Variants in GOLGA3 observed in about 807,000 individuals in gnomAD.
GOLGA3 encodes golgin A3.
In GOLGA3, 75 loss-of-function variants were observed where a neutral mutation model predicts 169.4. The observed-to-expected ratio is 0.44, with a 90% CI of 0.37 to 0.54. GOLGA3 has a LOEUF of 0.54. Ranked by LOEUF, GOLGA3 falls within the 20% of genes least tolerant of loss-of-function variation. The pLI is 0.00. For synonymous variants in GOLGA3, 824 were observed against 822.4 expected, an observed-to-expected ratio of 1.00 and a Z score of -0.03; for missense variants, 1,899 against 1,930.0, an observed-to-expected ratio of 0.98 and a Z score of 0.30.
At chr12:132,816,862 C>A in intron 2 of GOLGA3, 50 bp from the exon 3 acceptor site, 1 of 1,501,864 alleles carries the variant, frequency 6.7e-7, no homozygotes, top group East Asian at 2.3e-5. Context: ...AACAAGGTGA[C>A]GTCGCTTTTC....
intron 18 of GOLGA3, among the ~76,000 whole-genome samples, chr12:132,778,301 G>A (rs1039197029): frequency 5.3e-5 from 8 of 149,936 alleles, no homozygotes; most frequent in African/African-American, 7.4e-5. Context: ...TAGGCCAGGC[G>A]TGGCGGCTCA....
At chr12:132,783,764 G>A in intron 16 of GOLGA3, 1 of 452,582 alleles carries the variant, frequency 2.2e-6, no homozygotes. Context: ...TTTTAGTAGA[G>A]ATGGGGTTTC....
chr12:132,777,540 T>C lies in GOLGA3; in HGVS notation c.3722+126A>G, dbSNP rs1352906336. 2.0e-6 allele frequency: 2 copies of C among 1,023,284 alleles called. No individual in the cohort carries two copies. Among genetic ancestry groups the C allele is most frequent in the East Asian group, 2.4e-5 (1 of 41,194 alleles). 63.4% of individuals were successfully genotyped at this position (1,023,284 alleles called of 1,614,324 possible). On this transcript the variant is annotated intron_variant, in intron 19 of 23. Coordinates refer to ENST00000450791, the MANE Select transcript of GOLGA3 (RefSeq NM_001389683.1). This position sits in a 1 kb window ranked among gnomAD's most constrained non-coding sequence, Gnocchi z 4.7. ...GGAGGCTGGGTGCCTTCTACTCCTATGATTCACTCAAGTACTCGGCAATTT... is the reference window on the plus strand; with the variant it reads ...GGAGGCTGGGTGCCTTCTACTCCTACGATTCACTCAAGTACTCGGCAATTT...
intron 16 of GOLGA3, among the ~76,000 whole-genome samples, chr12:132,783,634 A>G (rs901551565): frequency 2.6e-5 from 4 of 151,190 alleles, no homozygotes; most frequent in Admixed American, 2.0e-4. Context: ...CCTGGAGTGC[A>G]GTGGCGCGAT....
At chr12:132,795,681 A>C (rs1238847754) in intron 11 of GOLGA3, among the ~76,000 whole-genome samples, 171 bp downstream of exon 11, 1 of 152,180 alleles carries the variant, frequency 6.6e-6, no homozygotes, top group East Asian at 1.9e-4. Flanking sequence ...GAATTGCCTG[A>C]ACCTGGGAGG....
At chr12:132,813,240 G>C in intron 4 of GOLGA3, 67 bp downstream of exon 4, 1 of 1,063,026 alleles carries the variant, frequency 9.4e-7, no homozygotes, top group East Asian at 2.4e-5. Context: ...CCCGGGTTAT[G>C]TGGGACCAAC....
chr12:132,809,451 G>A lies in GOLGA3; in HGVS notation c.520-902C>T, dbSNP rs1006683641. On this transcript the variant is annotated intron_variant, in intron 4 of 23. Transcript: ENST00000450791. The stretch of plus-strand genomic sequence containing the variant: ...CCCCACCCCCGCCCCCCCGCCCCCC[G>A]GTTCCCGGTCTGCTAAGTAGTGGGT... Among the ~76,000 whole-genome samples, 74 of 9,776 alleles carry A rather than the reference G, an allele frequency of 7.6e-3. 1 individual carries two copies. Among genetic ancestry groups the A allele is most frequent in the African/African-American group, 0.021 (68 of 3,212 alleles). The allele number at this position is 9,776 out of a possible 152,430, so 6.4% of individuals were successfully genotyped here.
chr12:132,781,889 C>G (rs1230593774), intron 17 of GOLGA3, among the ~76,000 whole-genome samples: 2 of 152,182 alleles, frequency 1.3e-5, no homozygotes, highest in Non-Finnish European at 1.5e-5. Context: ...TCAGCCACAC[C>G]CACATGGAAG....
At chr12:132,779,368 C>T (rs563151144) in intron 18 of GOLGA3, among the ~76,000 whole-genome samples, 38 of 152,288 alleles carry the variant, frequency 2.5e-4, no homozygotes, top group East Asian at 1.2e-3. Flanking sequence ...CATGAGCCAC[C>T]GCGCCCAGCC....
intron 13 of GOLGA3, among the ~76,000 whole-genome samples, chr12:132,788,190 T>C (rs932733291): frequency 6.6e-6 from 1 of 152,108 alleles, no homozygotes; most frequent in African/African-American, 2.4e-5. Flanking sequence ...CCAACAATGA[T>C]GGTGCCGGCC....
In GOLGA3 at chr12:132,821,874, A is replaced by G. The variant is rs1488876564; in HGVS notation, c.133+122T>C. 1.2e-5 allele frequency: 7 copies of G among 585,208 alleles called. No individual in the cohort carries two copies. In the African/African-American group the frequency reaches 1.3e-4, roughly 11 times the overall value. The allele number at this position is 585,208 out of a possible 1,614,324, so 36.3% of individuals were successfully genotyped here. A position where few individuals can be genotyped will look rare whatever the true frequency, so the allele number is the denominator to read the frequency against. ...GTCTCAAAAAAAAAAAAAAAAAAAA[A>G]CAACTTTGAATTAAGTGAAAAGCTC... On this transcript the variant is annotated intron_variant, in intron 2 of 23. Transcript: ENST00000450791.
intron 8 of GOLGA3, 109 bp from the exon 9 acceptor site, chr12:132,798,586 T>C: frequency 1.2e-6 from 1 of 858,746 alleles, no homozygotes; most frequent in South Asian, 1.6e-5. Flanking sequence ...GCCCCCTCAG[T>C]GTCTCCCACG....
chr12:132,813,269 A>C, intron 4 of GOLGA3, 38 bp downstream of exon 4: 1 of 1,387,416 alleles, frequency 7.2e-7, no homozygotes. Flanking sequence ...CTGGCACAGG[A>C]AGCTTTCCAT....
In GOLGA3 at chr12:132,804,965, G is replaced by C. The variant is rs1341345896; in HGVS notation, c.1348C>G (p.Gln450Glu). ...CTGTGGCTGCACTCCACCTGCGCCTGCAGCTTCGTGCTGAGGGCGGCCAGC... is the reference window on the plus strand; with the variant it reads ...CTGTGGCTGCACTCCACCTGCGCCTCCAGCTTCGTGCTGAGGGCGGCCAGC... Reference protein sequence around the residue: ...AQLAALSTKLQAQVECSHSSQ... With the variant: ...AQLAALSTKLEAQVECSHSSQ... Residue 450 changes from glutamine to glutamate, a missense_variant, in exon 7 of 24, where the codon CAG becomes GAG. By Grantham distance (29) the Gln-to-Glu change is conservative (BLOSUM62 2). Transcript: ENST00000450791. The surrounding 1 kb of genome is among the most constrained non-coding windows in gnomAD (Gnocchi z 4.1). 1 of 1,612,838 alleles carries C rather than the reference G, an allele frequency of 6.2e-7. No homozygotes were observed. Among genetic ancestry groups the C allele is most frequent in the South Asian group, 1.1e-5 (1 of 91,076 alleles).
chr12:132,803,910 T>C (rs1949254181), intron 7 of GOLGA3, among the ~76,000 whole-genome samples: 1 of 152,148 alleles, frequency 6.6e-6, no homozygotes, highest in Non-Finnish European at 1.5e-5. Flanking sequence ...CCCTCGGGCT[T>C]TGTCTTCAAT....
At chr12:132,803,051 G>A (rs969261570) in intron 7 of GOLGA3, among the ~76,000 whole-genome samples, 8 of 140,718 alleles carry the variant, frequency 5.7e-5, no homozygotes, top group South Asian at 2.2e-4. Flanking sequence ...GTGAAACTCC[G>A]TCTCAAAAAC....
Position 132,786,779 on chromosome 12 carries a change from C to T in GOLGA3, c.2820G>A (p.Gln940=), listed in dbSNP as rs1472169565. The part of the protein sequence containing the change: ...DEMETHLQSL[Q]FDKEQMVAVT... ...CCGCGACCATCTGCTCCTTATCGAACTGCAACGACTGTGGAAGGGAAGGAG... is the reference window on the plus strand; with the variant it reads ...CCGCGACCATCTGCTCCTTATCGAATTGCAACGACTGTGGAAGGGAAGGAG... The change falls in exon 14 of 24, where the codon CAG becomes CAA. Residue 940 remains glutamine (Q), a synonymous_variant. Transcript: ENST00000450791. 4 of 1,610,458 alleles carry T rather than the reference C, an allele frequency of 2.5e-6. No homozygotes were observed. The highest frequency in any genetic ancestry group is 3.4e-6 in the Non-Finnish European group (4 of 1,176,862).
rs188459862 is a variant in GOLGA3, at chr12:132,802,658, T to A, written c.1598-689A>T. On this transcript the variant is annotated intron_variant, in intron 7 of 23. Coordinates refer to ENST00000450791, the MANE Select transcript of GOLGA3 (RefSeq NM_001389683.1). ...AATTTTTAAAAACAAAAAGAAAATT[T>A]AAAAAAATAGAAACAGGATGAATTG... is the stretch of plus-strand genomic sequence containing the variant. Among the ~76,000 whole-genome samples, 848 of 151,502 alleles carry A rather than the reference T, an allele frequency of 5.6e-3. 14 individuals are homozygous for A. Among genetic ancestry groups the A allele is most frequent in the African/African-American group, 0.019 (788 of 41,324 alleles).
chr12:132,791,036 G>C (rs575082257), intron 12 of GOLGA3, among the ~76,000 whole-genome samples, 180 bp downstream of exon 12: 1 of 97,194 alleles, frequency 1.0e-5, no homozygotes, highest in Non-Finnish European at 1.8e-5. Flanking sequence ...GGCTGACAGA[G>C]AGAGACTCCG....
Sources: allele counts gnomAD v4.1 joint callset (sites outside exome capture counted in the v4.1 genomes callset), GRCh38; gene constraint gnomAD v4.1.1; non-coding constraint Gnocchi (gnomAD v3.1); transcripts MANE v1.5; gene names NCBI Gene and HGNC (gene_info 2026-07-23, HGNC 2026-07-21).